DOCK2: variants seen among roughly 807,000 people sequenced by gnomAD.
DOCK2 encodes dedicator of cytokinesis protein 2.
A neutral mutation model predicts 248.9 loss-of-function variants in DOCK2; 87 were observed. That is an observed-to-expected ratio of 0.35 (90% CI 0.29 to 0.42). The LOEUF (loss-of-function observed/expected upper bound fraction) is 0.42. Ranked by LOEUF, DOCK2 falls within the 10% of genes least tolerant of loss-of-function variation. DOCK2 has a pLI of 1.00. For missense variants in DOCK2, 1,747 were observed against 2,300.2 expected (o/e 0.76, Z 4.92); for synonymous variants, 805 against 821.6 (o/e 0.98, Z 0.35).
At chr5:170,078,318 C>T (rs774627175) in intron 48 of DOCK2, among the ~76,000 whole-genome samples, 1 of 152,208 alleles carries the variant, frequency 6.6e-6, no homozygotes, top group Non-Finnish European at 1.5e-5. Flanking sequence ...AGCCCTCTGG[C>T]CATCATTGTT....
At chr5:170,060,138 G>C (rs184187278) in intron 44 of DOCK2, among the ~76,000 whole-genome samples, 1 of 152,306 alleles carries the variant, frequency 6.6e-6, no homozygotes. Flanking sequence ...TATAAGTTCT[G>C]CCTATTGGGG....
chr5:169,907,798 T>C (rs1774369095), intron 27 of DOCK2, among the ~76,000 whole-genome samples: 5 of 152,128 alleles, frequency 3.3e-5, no homozygotes, highest in Admixed American at 2.6e-4. Flanking sequence ...TTTGGAAAAG[T>C]CTGGAGACAT....
intron 2 of DOCK2, 144 bp from the exon 3 acceptor site, chr5:169,669,144 G>A (rs1758896330): frequency 1.2e-6 from 1 of 839,824 alleles, no homozygotes. Context: ...AAGACTATGA[G>A]CTTCCAGAGT....
chr5:170,028,043 C>G (rs1271192017), intron 34 of DOCK2, 95 bp downstream of exon 34: 1 of 1,107,390 alleles, frequency 9.0e-7, no homozygotes, highest in Non-Finnish European at 1.3e-6. Flanking sequence ...GCTCTGTCCT[C>G]CCCTGGAGAT....
intron 27 of DOCK2, among the ~76,000 whole-genome samples, chr5:169,923,483 G>GCACACACA (rs34053722): frequency 2.1e-4 from 32 of 148,924 alleles, no homozygotes; most frequent in African/African-American, 7.6e-4. Context: ...ATGCACGTGG[G>GCACACACA]CACACACACA....
intron 30 of DOCK2, chr5:169,997,889 A>G (rs1754701917): frequency 4.4e-6 from 2 of 455,642 alleles, no homozygotes; most frequent in Non-Finnish European, 8.8e-6. Context: ...TCAGAAGCTG[A>G]GCAACTTCAG....
chr5:169,899,243 T>C (rs1773785007), intron 27 of DOCK2, among the ~76,000 whole-genome samples: 1 of 152,188 alleles, frequency 6.6e-6, no homozygotes, highest in Admixed American at 6.5e-5. Context: ...TCCTTTTGCC[T>C]TCAGCACGCC....
chr5:170,073,073 C>T (rs191894962), intron 46 of DOCK2, among the ~76,000 whole-genome samples: 232 of 152,130 alleles, frequency 1.5e-3, no homozygotes, highest in Non-Finnish European at 2.9e-3. Context: ...TTTAAGAAAC[C>T]GCAACTACCC....
At chr5:169,872,499 A>G (rs1772043731) in intron 27 of DOCK2, among the ~76,000 whole-genome samples, 1 of 152,150 alleles carries the variant, frequency 6.6e-6, no homozygotes, top group Admixed American at 6.5e-5. Context: ...TGGCAAGTCT[A>G]CCCCTTCTCC....
chr5:169,680,917 GTTTA>G (rs1759622688), intron 6 of DOCK2, among the ~76,000 whole-genome samples: 1 of 151,478 alleles, frequency 6.6e-6, no homozygotes, highest in African/African-American at 2.4e-5. Flanking sequence ...CCTATTTTTT[GTTTA>G]TTTGTTTTAT....
chr5:169,637,710 G>A (rs174658), intron 1 of DOCK2, among the ~76,000 whole-genome samples: 69,629 of 151,962 alleles, frequency 0.46, 17,286 homozygotes, highest in East Asian at 0.64. Context: ...GGGAGACTTG[G>A]CCTTGTAGAG....
intron 17 of DOCK2, among the ~76,000 whole-genome samples, chr5:169,712,885 C>T (rs1018056296): frequency 6.6e-6 from 1 of 152,222 alleles, no homozygotes; most frequent in African/African-American, 2.4e-5. Context: ...TTCCACATGT[C>T]CTCTTATGAC....
intron 1 of DOCK2, among the ~76,000 whole-genome samples, chr5:169,640,357 C>T (rs1365498299): frequency 1.3e-5 from 2 of 152,182 alleles, no homozygotes; most frequent in Admixed American, 1.3e-4. Context: ...CTGAGCCTGC[C>T]AGGCAGATTT....
chr5:170,020,801 C>G (rs1345510455), intron 33 of DOCK2, among the ~76,000 whole-genome samples: 1 of 152,198 alleles, frequency 6.6e-6, no homozygotes, highest in Non-Finnish European at 1.5e-5. Flanking sequence ...CTAAATATGT[C>G]CATGAAGCAC....
At chr5:169,884,012 G>A in intron 27 of DOCK2, 1 of 1,037,274 alleles carries the variant, frequency 9.6e-7, no homozygotes, top group Non-Finnish European at 1.3e-6. Context: ...TGCTGGCCAG[G>A]ATGGAGTGGT....
chr5:169,721,239 T>C (rs1411175367), intron 22 of DOCK2, among the ~76,000 whole-genome samples: 3 of 152,250 alleles, frequency 2.0e-5, no homozygotes, highest in Admixed American at 6.5e-5. Flanking sequence ...TATTCCTTGC[T>C]GTATCCCTAG....
intron 46 of DOCK2, 32 bp downstream of exon 46, chr5:170,069,252 C>T: frequency 6.2e-7 from 1 of 1,605,970 alleles, no homozygotes; most frequent in South Asian, 1.1e-5. Context: ...GAGCATGCTG[C>T]TCTCCTTCCT....
intron 25 of DOCK2, among the ~76,000 whole-genome samples, chr5:169,777,217 A>G (rs2113789358): frequency 6.6e-6 from 1 of 152,344 alleles, no homozygotes; most frequent in African/African-American, 2.4e-5. Flanking sequence ...TGATAGACTC[A>G]GCATGGAGCA....
intron 1 of DOCK2, among the ~76,000 whole-genome samples, chr5:169,643,805 G>A (rs1202664376): frequency 6.6e-6 from 1 of 152,182 alleles, no homozygotes; most frequent in Non-Finnish European, 1.5e-5. Context: ...CACTGTCACG[G>A]CACAGGGTCT....
Sources: gnomAD v4.1 joint callset for allele counts (sites outside exome capture counted in the v4.1 genomes callset) on GRCh38, gnomAD v4.1.1 for gene constraint, MANE v1.5 for transcripts, NCBI Gene and HGNC (gene_info 2026-07-23, HGNC 2026-07-21) for gene names.